Variants in PCDH11X observed in about 807,000 individuals in gnomAD.
The protein encoded by PCDH11X is protocadherin 11 X-linked.
In PCDH11X, 18 loss-of-function variants were observed where a neutral mutation model predicts 53.3. That is an observed-to-expected ratio of 0.34 (90% CI 0.23 to 0.50). The LOEUF (loss-of-function observed/expected upper bound fraction) is 0.50. PCDH11X is among the 20% of genes least tolerant of loss of function. The probability of loss-of-function intolerance (pLI) is 0.98; values close to 1 mark genes in which losing one functional copy is unlikely to be tolerated. For synonymous variants in PCDH11X, 279 were observed against 393.3 expected (o/e 0.71, Z 3.44); for missense variants, 570 against 1,032.4 (o/e 0.55, Z 6.14).
chrX:92,540,985 T>C (rs140101193), intron 10 of PCDH11X, among the ~76,000 whole-genome samples: 3,472 of 109,497 alleles, frequency 0.032, 125 homozygotes, highest in African/African-American at 0.11. Context: ...ACTTTTACTG[T>C]TGCGAGCTGC....
intron 6 of PCDH11X, among the ~76,000 whole-genome samples, chrX:92,099,486 C>A (rs1319645102): frequency 5.4e-5 from 6 of 110,339 alleles, no homozygotes; most frequent in South Asian, 3.8e-4. Flanking sequence ...TCATTTTAAT[C>A]TTTTGAATTA....
chrX:92,071,678 G>A (rs2063704240), intron 6 of PCDH11X, among the ~76,000 whole-genome samples: 1 of 111,392 alleles, frequency 9.0e-6, no homozygotes, highest in Non-Finnish European at 1.9e-5. Flanking sequence ...CAGACTCATA[G>A]AGGTACCTCT....
At chrX:92,603,148 A>T (rs1472677915) in intron 10 of PCDH11X, among the ~76,000 whole-genome samples, 1 of 105,072 alleles carries the variant, frequency 9.5e-6, no homozygotes, top group Non-Finnish European at 1.9e-5. Flanking sequence ...GACTAGAGTG[A>T]TTCAACAGTG....
At chrX:92,458,906 G>A (rs944127182) in intron 9 of PCDH11X, among the ~76,000 whole-genome samples, 1 of 110,072 alleles carries the variant, frequency 9.1e-6, no homozygotes, top group Non-Finnish European at 1.9e-5. Flanking sequence ...CAGTGGAATT[G>A]CTGGATCATA....
At chrX:91,903,566 A>G (rs2524573) in intron 6 of PCDH11X, among the ~76,000 whole-genome samples, 1 of 109,401 alleles carries the variant, frequency 9.1e-6, no homozygotes, top group Middle Eastern at 4.6e-3. Context: ...ATATTTTTTT[A>G]TAGTGGAGAC....
intron 8 of PCDH11X, among the ~76,000 whole-genome samples, chrX:92,333,670 G>A (rs2069546113): frequency 9.0e-6 from 1 of 111,138 alleles, no homozygotes; most frequent in Non-Finnish European, 1.9e-5. Context: ...TTTAGTTTCA[G>A]GTGACAATTT....
chrX:91,962,889 C>G (rs1228283205), intron 6 of PCDH11X, among the ~76,000 whole-genome samples: 14 of 111,505 alleles, frequency 1.3e-4, no homozygotes, highest in Non-Finnish European at 2.4e-4. Flanking sequence ...AAGTAACAGC[C>G]TGAGCTATAT....
At chrX:92,550,575 T>C (rs1490224935) in intron 10 of PCDH11X, among the ~76,000 whole-genome samples, 2 of 109,001 alleles carry the variant, frequency 1.8e-5, no homozygotes, top group African/African-American at 6.6e-5. Flanking sequence ...TTATCCTTTA[T>C]GTTACAAACC....
Position 92,297,184 on chromosome X carries a change from T to C in PCDH11X, c.3144+34041T>C, listed in dbSNP as rs183378973. ...TCATTTGCCAATTATTTTTTTGTCA[T>C]AATTGCTTTTGATTTCTCTGTTATA... On this transcript the variant is annotated intron_variant, in intron 8 of 10. Coordinates refer to ENST00000682573, the MANE Select transcript of PCDH11X (RefSeq NM_032968.5). 1.4e-3 allele frequency among the ~76,000 whole-genome samples: 160 copies of C among 110,856 alleles called. 1 individual carries two copies. The highest frequency in any genetic ancestry group is 4.9e-3 in the African/African-American group (151 of 30,518).
intron 1 of PCDH11X, among the ~76,000 whole-genome samples, chrX:91,784,904 C>A (rs1935278040): frequency 9.0e-6 from 1 of 111,484 alleles, no homozygotes; most frequent in Non-Finnish European, 1.9e-5. Flanking sequence ...CTTAGATTTG[C>A]CAAATTTTCG....
At chrX:91,982,461 C>CT (rs2062155752) in intron 6 of PCDH11X, among the ~76,000 whole-genome samples, 1 of 108,554 alleles carries the variant, frequency 9.2e-6, no homozygotes. Flanking sequence ...CTGAAAGGGC[C>CT]TTTTTTGGAA....
chrX:91,835,951 A>T lies in PCDH11X; in HGVS notation c.447A>T (p.Pro149=). Residue 149 remains proline (P), a synonymous_variant, in exon 5 of 11, where the codon CCA becomes CCT. Coordinates refer to ENST00000682573, the MANE Select transcript of PCDH11X (RefSeq NM_032968.5). ...CAACAGTTATCAACATATCAATTCC[A>T]GAGAACTCGGCTATAAACTCTAAAT... ...FPATVINISI[P]ENSAINSKYT... 8.3e-7 allele frequency: 1 copy of T among 1,210,789 alleles called. No homozygotes were observed. Among genetic ancestry groups the T allele is most frequent in the East Asian group, 3.0e-5 (1 of 33,814 alleles).
At chrX:92,437,452 C>G (rs1474389460) in intron 9 of PCDH11X, among the ~76,000 whole-genome samples, 2 of 111,210 alleles carry the variant, frequency 1.8e-5, no homozygotes, top group African/African-American at 6.5e-5. Flanking sequence ...GGATAAATTA[C>G]CTTACTTAAA....
intron 6 of PCDH11X, among the ~76,000 whole-genome samples, chrX:92,020,409 C>T (rs2062865451): frequency 8.9e-6 from 1 of 112,164 alleles, no homozygotes; most frequent in Non-Finnish European, 1.9e-5. Context: ...CACAGCCCAA[C>T]ACACCAGTTG....
At chrX:92,482,519 A>G (rs1224233894) in intron 10 of PCDH11X, among the ~76,000 whole-genome samples, 1 of 111,741 alleles carries the variant, frequency 8.9e-6, no homozygotes, top group African/African-American at 3.3e-5. Context: ...GAGTTTATCA[A>G]ATTATCTTGT....
intron 7 of PCDH11X, among the ~76,000 whole-genome samples, chrX:92,239,685 T>C (rs1197534938): frequency 9.0e-6 from 1 of 111,671 alleles, no homozygotes; most frequent in Non-Finnish European, 1.9e-5. Context: ...GATTGAAAAT[T>C]TTGATGTAAC....
intron 9 of PCDH11X, among the ~76,000 whole-genome samples, chrX:92,426,832 T>C (rs1199216514): frequency 9.0e-6 from 1 of 111,129 alleles, no homozygotes; most frequent in East Asian, 2.9e-4. Flanking sequence ...TTATCCAATG[T>C]TCTTCCTTTA....
At chrX:91,938,132 T>C (rs2524680) in intron 6 of PCDH11X, among the ~76,000 whole-genome samples, 7 of 111,751 alleles carry the variant, frequency 6.3e-5, no homozygotes, top group African/African-American at 1.9e-4. Context: ...TATCTGAAGA[T>C]TGGAAGAATC....
At chrX:91,854,448 C>T (rs1459525990) in intron 5 of PCDH11X, among the ~76,000 whole-genome samples, 2 of 112,387 alleles carry the variant, frequency 1.8e-5, no homozygotes, top group South Asian at 7.3e-4. Context: ...GTGAATAGTG[C>T]TGCAAAAAAG....
Sources: allele counts gnomAD v4.1 joint callset (sites outside exome capture counted in the v4.1 genomes callset), GRCh38; gene constraint gnomAD v4.1.1; transcripts MANE v1.5; gene names NCBI Gene and HGNC (gene_info 2026-07-23, HGNC 2026-07-21).